RPS6KA2: variants seen among roughly 807,000 people sequenced by gnomAD.
RPS6KA2 encodes the protein ribosomal protein S6 kinase alpha-2.
Under a neutral mutation model 91.8 loss-of-function variants are expected in RPS6KA2, and 42 were observed. That is an observed-to-expected ratio of 0.46 (90% CI 0.36 to 0.59). RPS6KA2 has a LOEUF of 0.59. Ranked by LOEUF, RPS6KA2 falls within the 20% of genes least tolerant of loss-of-function variation. The pLI is 0.00. For synonymous variants in RPS6KA2, 414 were observed against 393.6 expected (o/e 1.05, Z -0.61); for missense variants, 798 against 978.5 (o/e 0.82, Z 2.46).
intron 1 of RPS6KA2, among the ~76,000 whole-genome samples, chr6:166,614,825 T>A (rs1324671103): frequency 6.6e-6 from 1 of 152,172 alleles, no homozygotes; most frequent in African/African-American, 2.4e-5. Context: ...CTCCTCTGCC[T>A]CCTCTCACGA....
chr6:166,521,694 G>C (rs758323945), intron 3 of RPS6KA2, among the ~76,000 whole-genome samples: 36 of 152,206 alleles, frequency 2.4e-4, no homozygotes, highest in Admixed American at 1.5e-3. Flanking sequence ...GGGATCAGAG[G>C]AAACCATATG....
chr6:166,687,170 AT>A (rs1789048079), intron 2 of RPS6KA2, among the ~76,000 whole-genome samples: 1 of 152,120 alleles, frequency 6.6e-6, no homozygotes. Flanking sequence ...CAGCATTGTG[AT>A]CATTGCAACA....
chr6:166,670,845 G>T (rs947224367), intron 2 of RPS6KA2, among the ~76,000 whole-genome samples: 1 of 152,134 alleles, frequency 6.6e-6, no homozygotes, highest in African/African-American at 2.4e-5. Context: ...TTTTTAGACA[G>T]GGTCTCACTC....
In RPS6KA2 at chr6:166,412,671, G is replaced by A. The variant is rs1268394629; in HGVS notation, c.*91C>T. The stretch of plus-strand genomic sequence containing the variant: ...GGCGCCGCCTCCCTGCTGGACTTGT[G>A]GTCACTCTGGGTGCCAGACGGGCTC... On this transcript the variant is annotated 3_prime_UTR_variant, in exon 21 of 21. Coordinates refer to ENST00000265678, the MANE Select transcript of RPS6KA2 (RefSeq NM_021135.6). The surrounding 1 kb of genome is among the most constrained non-coding windows in gnomAD (Gnocchi z 4.3). 2 of 1,306,364 alleles carry A rather than the reference G, an allele frequency of 1.5e-6. No homozygotes were observed. The highest frequency in any genetic ancestry group is 5.1e-5 in the East Asian group (2 of 39,234). The allele number at this position is 1,306,364 out of a possible 1,614,324, so 80.9% of individuals were successfully genotyped here. A position where few individuals can be genotyped will look rare whatever the true frequency, so the allele number is the denominator to read the frequency against.
At chr6:166,488,800 G>A (rs1358080407) in intron 10 of RPS6KA2, 33 bp downstream of exon 10, 4 of 1,562,878 alleles carry the variant, frequency 2.6e-6, no homozygotes, top group Non-Finnish European at 3.5e-6. Context: ...CGCCCTGCAC[G>A]TTCCCGTGGT....
intron 2 of RPS6KA2, among the ~76,000 whole-genome samples, chr6:166,705,686 C>T (rs1789661562): frequency 6.6e-6 from 1 of 152,154 alleles, no homozygotes; most frequent in Admixed American, 6.5e-5. Context: ...TCCTTATTGG[C>T]AGATGACACA....
intron 11 of RPS6KA2, among the ~76,000 whole-genome samples, chr6:166,467,873 G>A (rs548613304): frequency 6.6e-6 from 1 of 152,260 alleles, no homozygotes; most frequent in South Asian, 2.1e-4. Context: ...GAAAGTGCCT[G>A]AGACTGGGAC....
At chr6:166,752,881 G>GTTAA (rs140579146) in intron 2 of RPS6KA2, among the ~76,000 whole-genome samples, 2,065 of 152,322 alleles carry the variant, frequency 0.014, 37 homozygotes, top group African/African-American at 0.047. Context: ...TAACCACTGT[G>GTTAA]TTAAGCCTTG....
At position 166,533,504 on chromosome 6, in the gene RPS6KA2, G is replaced by A. The variant is rs1783369274; in HGVS notation, c.217-2191C>T. On this transcript the variant is annotated intron_variant, in intron 2 of 20. Coordinates refer to ENST00000265678, the MANE Select transcript of RPS6KA2 (RefSeq NM_021135.6). This position sits in a 1 kb window ranked among gnomAD's most constrained non-coding sequence, Gnocchi z 4.0. ...GCCACATTTCCCCGGCATCCTGCAG[G>A]TAAGTTGGGCAGTGACACCAGCAAG... is the stretch of plus-strand genomic sequence containing the variant. 6.6e-6 allele frequency among the ~76,000 whole-genome samples: 1 copy of A among 152,258 alleles called. No homozygotes were observed. The highest frequency in any genetic ancestry group is 2.4e-5 in the African/African-American group (1 of 41,470).
chr6:166,766,744 C>T (rs1778321844), intron 2 of RPS6KA2, among the ~76,000 whole-genome samples: 1 of 152,272 alleles, frequency 6.6e-6, no homozygotes. Context: ...CACCCAGTGA[C>T]TCAAGTAACT....
chr6:166,515,571 T>C (rs1782618791), intron 3 of RPS6KA2, among the ~76,000 whole-genome samples: 1 of 152,240 alleles, frequency 6.6e-6, no homozygotes, highest in African/African-American at 2.4e-5. Context: ...AGCATCGGCG[T>C]GACGTCATTA....
chr6:166,797,924 T>C (rs987936548), intron 2 of RPS6KA2, among the ~76,000 whole-genome samples: 1 of 151,926 alleles, frequency 6.6e-6, no homozygotes, highest in South Asian at 2.1e-4. Flanking sequence ...GAATCAAACC[T>C]TGATGACCAG....
At chr6:166,609,826 T>G (rs886204975) in intron 1 of RPS6KA2, among the ~76,000 whole-genome samples, 3 of 152,140 alleles carry the variant, frequency 2.0e-5, no homozygotes, top group Admixed American at 2.0e-4. Flanking sequence ...TTTAGACAAG[T>G]TTTAGTGTCA....
chr6:166,771,988 G>A (rs534693363), intron 2 of RPS6KA2, among the ~76,000 whole-genome samples: 5 of 152,286 alleles, frequency 3.3e-5, no homozygotes, highest in East Asian at 3.9e-4. Flanking sequence ...ATGAGCGGCC[G>A]GTTTATCGAG....
intron 2 of RPS6KA2, among the ~76,000 whole-genome samples, chr6:166,714,669 G>A (rs952207731): frequency 5.3e-5 from 8 of 152,210 alleles, no homozygotes; most frequent in African/African-American, 1.9e-4. Context: ...CGAACCGCCT[G>A]AAGCACCAGA....
At chr6:166,757,375 G>A (rs924084987) in intron 2 of RPS6KA2, among the ~76,000 whole-genome samples, 1 of 152,134 alleles carries the variant, frequency 6.6e-6, no homozygotes, top group Non-Finnish European at 1.5e-5. Context: ...GCACCGCTCC[G>A]AGACCTGTGT....
chr6:166,692,405 G>C (rs1424123314), intron 2 of RPS6KA2, among the ~76,000 whole-genome samples: 2 of 152,146 alleles, frequency 1.3e-5, no homozygotes, highest in Non-Finnish European at 2.9e-5. Context: ...ACCAGCGTGT[G>C]CAGAGATGGA....
chr6:166,420,866 G>A (rs1241365947), intron 17 of RPS6KA2, among the ~76,000 whole-genome samples: 1 of 152,174 alleles, frequency 6.6e-6, no homozygotes, highest in East Asian at 1.9e-4. Context: ...GCAATCCTCT[G>A]ATATAGTTAC....
intron 2 of RPS6KA2, among the ~76,000 whole-genome samples, chr6:166,672,720 C>A (rs529035660): frequency 6.6e-6 from 1 of 152,360 alleles, no homozygotes; most frequent in African/African-American, 2.4e-5. Flanking sequence ...GGGGCCGGCT[C>A]ACCGGATGAG....
Sources: gnomAD v4.1 joint callset for allele counts (sites outside exome capture counted in the v4.1 genomes callset) on GRCh38, gnomAD v4.1.1 for gene constraint, Gnocchi (gnomAD v3.1) non-coding constraint, MANE v1.5 for transcripts, NCBI Gene and HGNC (gene_info 2026-07-23, HGNC 2026-07-21) for gene names.